Variants in PKIB observed in about 807,000 individuals in gnomAD.
PKIB encodes the protein cAMP-dependent protein kinase inhibitor beta, also known as PKI-beta.
A neutral mutation model predicts 4.5 loss-of-function variants in PKIB; 2 were observed. The observed-to-expected ratio is 0.44, with a 90% CI of 0.18 to 1.39. PKIB has a LOEUF of 1.39. Among genes scored for constraint, PKIB ranks in the 40% most tolerant of loss-of-function variants. The probability of loss-of-function intolerance (pLI) is 0.27; values close to 1 mark genes in which losing one functional copy is unlikely to be tolerated. For missense variants in PKIB, 94 were observed against 92.6 expected (o/e 1.02, Z -0.06); for synonymous variants, 38 against 36.0 (o/e 1.06, Z -0.20).
chr6:122,612,130 A>T (rs1317009329), intron 1 of PKIB, among the ~76,000 whole-genome samples: 4 of 152,184 alleles, frequency 2.6e-5, no homozygotes, highest in African/African-American at 9.7e-5. Flanking sequence ...TCGATTGCAA[A>T]CATATTGTTT....
intron 3 of PKIB, among the ~76,000 whole-genome samples, chr6:122,685,720 GT>G (rs1778066621): frequency 6.6e-6 from 1 of 152,012 alleles, no homozygotes; most frequent in South Asian, 2.1e-4. Context: ...TAGTCATCCT[GT>G]TGTGCTATCA....
Position 122,584,613 on chromosome 6 carries a change from C to T in PKIB, c.-247-1308C>T, listed in dbSNP as rs570339525. ...CTTTTATGTCATGTAGACTTAAATA[C>T]AGTTTTAATGAACAGAACTGAAGAA... On this transcript the variant is annotated intron_variant, in intron 2 of 6. Transcript: ENST00000392491. Among the ~76,000 whole-genome samples the T allele has an allele frequency of 1.3e-5, 2 of 152,136 alleles. 1 individual carries two copies. The highest frequency in any genetic ancestry group is 4.1e-4 in the South Asian group (2 of 4,824).
chr6:122,687,718 A>G (rs796375991), intron 3 of PKIB, among the ~76,000 whole-genome samples: 3 of 152,176 alleles, frequency 2.0e-5, no homozygotes, highest in African/African-American at 7.2e-5. Flanking sequence ...AATTTTAGCT[A>G]TGGTAAATGA....
chr6:122,562,004 G>GT (rs758656278), intron 2 of PKIB, among the ~76,000 whole-genome samples: 3,141 of 79,486 alleles, frequency 0.04, 233 homozygotes, highest in East Asian at 0.16. Flanking sequence ...GTTTTTTTTT[G>GT]TTTTTTTTTT....
At chr6:122,634,776 A>T (rs1453533161) in intron 2 of PKIB, among the ~76,000 whole-genome samples, 1 of 151,982 alleles carries the variant, frequency 6.6e-6, no homozygotes, top group African/African-American at 2.4e-5. Flanking sequence ...GTCTAAAAAT[A>T]AAAAAATACA....
At chr6:122,699,295 A>T (rs1206147311) in intron 3 of PKIB, among the ~76,000 whole-genome samples, 1 of 133,720 alleles carries the variant, frequency 7.5e-6, no homozygotes, top group African/African-American at 2.9e-5. Flanking sequence ...ATATATATAT[A>T]TATATTGTGT....
In PKIB at chr6:122,496,017, C is replaced by T. The variant is rs572032232; in HGVS notation, c.-248+18078C>T. Among the ~76,000 whole-genome samples, 5 of 152,284 alleles carry T rather than the reference C, an allele frequency of 3.3e-5. No individual in the cohort carries two copies. The South Asian group carries it at 6.2e-4, about 19-fold the overall frequency. On this transcript the variant is annotated intron_variant, in intron 2 of 6. Coordinates refer to the PKIB transcript ENST00000392491. ...CATAGGCAAGCTTGGGGCTCCAGCT[C>T]AACCCAGCTGTGTCCCCCAACCCCC...
At chr6:122,644,036 T>A (rs1402220551) in intron 2 of PKIB, 1 of 152,156 alleles carries the variant, frequency 6.6e-6, no homozygotes, top group Non-Finnish European at 1.5e-5. Context: ...ATCTGGGTTG[T>A]GGTTATATTG....
intron 2 of PKIB, among the ~76,000 whole-genome samples, chr6:122,513,047 T>G (rs1447825635): frequency 6.6e-6 from 1 of 152,212 alleles, no homozygotes; most frequent in Non-Finnish European, 1.5e-5. Flanking sequence ...AACCATGACA[T>G]GCCTGATGTG....
intron 2 of PKIB, among the ~76,000 whole-genome samples, chr6:122,500,731 A>G (rs937759565): frequency 1.3e-5 from 2 of 152,230 alleles, no homozygotes; most frequent in African/African-American, 4.8e-5. Context: ...TGATAAGGGC[A>G]TACCTGAGAC....
At chr6:122,583,585 C>T (rs529968813) in intron 2 of PKIB, among the ~76,000 whole-genome samples, 13 of 152,194 alleles carry the variant, frequency 8.5e-5, no homozygotes, top group Admixed American at 8.5e-4. Context: ...CCACTGCTTA[C>T]TTTAAGAAAA....
chr6:122,707,077 A>G (rs567362926), intron 3 of PKIB, among the ~76,000 whole-genome samples: 1 of 152,258 alleles, frequency 6.6e-6, no homozygotes, highest in African/African-American at 2.4e-5. Context: ...TAAATGTATC[A>G]ATTTAAATAA....
intron 4 of PKIB, among the ~76,000 whole-genome samples, chr6:122,720,372 A>T (rs1367168684): frequency 6.6e-6 from 1 of 152,152 alleles, no homozygotes; most frequent in Non-Finnish European, 1.5e-5. Flanking sequence ...GAGGTGACAG[A>T]GGGTGGCATC....
At chr6:122,684,513 C>G (rs1371524829) in intron 3 of PKIB, among the ~76,000 whole-genome samples, 1 of 152,082 alleles carries the variant, frequency 6.6e-6, no homozygotes, top group African/African-American at 2.4e-5. Flanking sequence ...ACCACCATGT[C>G]CACTAGTAAT....
chr6:122,536,730 C>T (rs1777416437), intron 2 of PKIB, among the ~76,000 whole-genome samples: 1 of 151,004 alleles, frequency 6.6e-6, no homozygotes, highest in South Asian at 2.1e-4. Flanking sequence ...TACCAGTTGA[C>T]ATAAAGACTA....
At chr6:122,551,576 T>G (rs193203173) in intron 2 of PKIB, among the ~76,000 whole-genome samples, 39 of 152,276 alleles carry the variant, frequency 2.6e-4, no homozygotes, top group Admixed American at 2.2e-3. Flanking sequence ...AGAGCTTTCC[T>G]TTGATTTCCC....
At chr6:122,627,343 A>T (rs896587771) in intron 1 of PKIB, among the ~76,000 whole-genome samples, 26 of 151,858 alleles carry the variant, frequency 1.7e-4, no homozygotes, top group African/African-American at 5.8e-4. Context: ...TAATTTCTAC[A>T]CTTTTGTTGG....
chr6:122,662,235 T>A (rs1308323265), intron 2 of PKIB, among the ~76,000 whole-genome samples: 1 of 150,758 alleles, frequency 6.6e-6, no homozygotes, highest in Non-Finnish European at 1.5e-5. Flanking sequence ...TCACTTGTGC[T>A]TTGGTGTCAT....
At chr6:122,492,186 G>GAA (rs1775955911) in intron 2 of PKIB, among the ~76,000 whole-genome samples, 2 of 152,106 alleles carry the variant, frequency 1.3e-5, no homozygotes, top group Non-Finnish European at 1.5e-5. Context: ...TTTAGAGAGA[G>GAA]AAATACATTT....
Sources: allele counts gnomAD v4.1 joint callset (sites outside exome capture counted in the v4.1 genomes callset), GRCh38; gene constraint gnomAD v4.1.1; transcripts MANE v1.5; gene names NCBI Gene and HGNC (gene_info 2026-07-23, HGNC 2026-07-21).